Variants in NAV2 observed in about 807,000 individuals in gnomAD.
NAV2 encodes the protein neuron navigator 2, also known as helicase, APC down-regulated 1.
Under a neutral mutation model 223.2 loss-of-function variants are expected in NAV2, and 54 were observed. The ratio of observed to expected loss-of-function variants is 0.24; its 90% confidence interval spans 0.19 to 0.30. The LOEUF (loss-of-function observed/expected upper bound fraction) is 0.30. Ranked by LOEUF, NAV2 falls within the 10% of genes least tolerant of loss-of-function variation. NAV2 has a pLI of 1.00. For missense variants in NAV2, 2,806 were observed against 3,147.5 expected, an observed-to-expected ratio of 0.89 and a Z score of 2.60; for synonymous variants, 1,279 against 1,239.3, an observed-to-expected ratio of 1.03 and a Z score of -0.67.
At chr11:19,554,234 T>C (rs939514037) in intron 1 of NAV2, among the ~76,000 whole-genome samples, 1 of 152,226 alleles carries the variant, frequency 6.6e-6, no homozygotes, top group Non-Finnish European at 1.5e-5. Context: ...ATTTAGAATT[T>C]TAATTTGAGA....
chr11:19,770,252 T>A (rs928921162), intron 1 of NAV2, among the ~76,000 whole-genome samples: 2 of 44,016 alleles, frequency 4.5e-5, no homozygotes, highest in Non-Finnish European at 9.3e-5. Context: ...TTTTTAAGTT[T>A]AAAAAAATAT....
chr11:19,736,018 A>G (rs2052260278), intron 1 of NAV2, among the ~76,000 whole-genome samples: 1 of 152,186 alleles, frequency 6.6e-6, no homozygotes, highest in African/African-American at 2.4e-5. Context: ...TTTCAGGAAT[A>G]AAAAGATCTT....
At chr11:19,403,344 C>T (rs1339818109) in intron 1 of NAV2, among the ~76,000 whole-genome samples, 1 of 152,126 alleles carries the variant, frequency 6.6e-6, no homozygotes, top group Non-Finnish European at 1.5e-5. Flanking sequence ...AACAATGATA[C>T]TCTAGTGCAA....
chr11:20,031,860 A>G (rs2055788161), intron 11 of NAV2, among the ~76,000 whole-genome samples: 2 of 152,164 alleles, frequency 1.3e-5, no homozygotes, highest in African/African-American at 4.8e-5. Flanking sequence ...CACAGCTGTT[A>G]AAATGTTGAT....
chr11:19,626,873 T>C (rs2047186413), intron 1 of NAV2, among the ~76,000 whole-genome samples: 1 of 152,222 alleles, frequency 6.6e-6, no homozygotes, highest in African/African-American at 2.4e-5. Context: ...TGACTTAAGC[T>C]TCTCTGACTC....
At chr11:19,999,763 A>G (rs905242237) in intron 11 of NAV2, among the ~76,000 whole-genome samples, 3 of 152,172 alleles carry the variant, frequency 2.0e-5, no homozygotes, top group African/African-American at 7.2e-5. Flanking sequence ...CTGAGCCCCC[A>G]TGTCTTCATC....
chr11:19,686,921 C>A (rs1385306318), intron 1 of NAV2, among the ~76,000 whole-genome samples: 1 of 152,206 alleles, frequency 6.6e-6, no homozygotes, highest in Non-Finnish European at 1.5e-5. Context: ...CCCACAGTAA[C>A]CATATGAGGC....
intron 6 of NAV2, among the ~76,000 whole-genome samples, chr11:19,930,843 C>T (rs577850763): frequency 6.6e-6 from 1 of 152,314 alleles, no homozygotes; most frequent in South Asian, 2.1e-4. Flanking sequence ...GAGCCATCCT[C>T]TGTGATGTAG....
intron 10 of NAV2, among the ~76,000 whole-genome samples, chr11:19,972,817 G>A (rs920363066): frequency 6.6e-6 from 1 of 152,088 alleles, no homozygotes; most frequent in African/African-American, 2.4e-5. Flanking sequence ...TGATTTTTAT[G>A]TCCCCAACAC....
intron 1 of NAV2, chr11:19,591,031 C>T: frequency 6.6e-6 from 1 of 152,140 alleles, no homozygotes. Context: ...CACTTTAGGG[C>T]CCTAGCAGTT....
At chr11:19,856,486 T>C (rs2625320) in intron 3 of NAV2, among the ~76,000 whole-genome samples, 27,267 of 152,238 alleles carry the variant, frequency 0.18, 2,841 homozygotes, top group South Asian at 0.38. Context: ...CCCCAAGTTA[T>C]ATATTCACGA....
chr11:20,046,304 C>G (rs1431445888), intron 14 of NAV2, among the ~76,000 whole-genome samples: 1 of 151,282 alleles, frequency 6.6e-6, no homozygotes, highest in African/African-American at 2.4e-5. Flanking sequence ...CCACTGCACT[C>G]CAGCCTGGGC....
At chr11:19,974,012 A>T (rs1481284094) in intron 10 of NAV2, among the ~76,000 whole-genome samples, 1 of 152,242 alleles carries the variant, frequency 6.6e-6, no homozygotes, top group African/African-American at 2.4e-5. Flanking sequence ...TTGATTTGAG[A>T]TGGAGGAAAC....
At chr11:19,663,331 A>G (rs573274045) in intron 1 of NAV2, among the ~76,000 whole-genome samples, 5 of 152,334 alleles carry the variant, frequency 3.3e-5, no homozygotes, top group African/African-American at 7.2e-5. Context: ...AGCATTTTAT[A>G]TACATTATCT....
chr11:19,369,809 ACAAGT>A (rs955137405), intron 1 of NAV2, among the ~76,000 whole-genome samples: 1 of 152,196 alleles, frequency 6.6e-6, no homozygotes, highest in Non-Finnish European at 1.5e-5. Flanking sequence ...TCGAAAGATA[ACAAGT>A]CTAGTTTCCT....
At chr11:19,822,863 C>G (rs12292675) in intron 1 of NAV2, among the ~76,000 whole-genome samples, 27,936 of 152,162 alleles carry the variant, frequency 0.18, 3,794 homozygotes, top group African/African-American at 0.39. Context: ...ATTCACATCT[C>G]AGTGCTCCTG....
intron 1 of NAV2, among the ~76,000 whole-genome samples, chr11:19,366,042 T>C (rs1848265798): frequency 6.6e-6 from 1 of 152,190 alleles, no homozygotes. Context: ...GCTCTGAGAA[T>C]GGGGAATTCT....
At chr11:19,864,457 T>C (rs2061972590) in intron 3 of NAV2, among the ~76,000 whole-genome samples, 1 of 152,206 alleles carries the variant, frequency 6.6e-6, no homozygotes, top group Non-Finnish European at 1.5e-5. Flanking sequence ...TTTGCATATT[T>C]TACGTTATCA....
intron 3 of NAV2, among the ~76,000 whole-genome samples, chr11:19,866,462 C>T (rs1468312652): frequency 1.4e-4 from 22 of 152,064 alleles, no homozygotes; most frequent in South Asian, 2.1e-4. Context: ...AAGAAGTATT[C>T]GGGTAACTTA....
Sources: gnomAD v4.1 joint callset for allele counts (sites outside exome capture counted in the v4.1 genomes callset) on GRCh38, gnomAD v4.1.1 for gene constraint, MANE v1.5 for transcripts, NCBI Gene and HGNC (gene_info 2026-07-23, HGNC 2026-07-21) for gene names.